CHIA: variants seen among roughly 807,000 people sequenced by gnomAD.
The protein encoded by CHIA is chitinase acidic, also known as acidic mammalian chitinase.
In CHIA, 47 loss-of-function variants were observed where a neutral mutation model predicts 53.5. The observed-to-expected ratio is 0.88, with a 90% CI of 0.70 to 1.12. CHIA has a LOEUF of 1.12. Among genes scored for constraint, CHIA ranks in the 50% most tolerant of loss-of-function variants. The pLI, the probability that CHIA is intolerant of heterozygous loss-of-function variation, is 0.00. For synonymous variants in CHIA, 268 were observed against 222.2 expected (o/e 1.21, Z -1.83); for missense variants, 652 against 592.2 (o/e 1.10, Z -1.05).
In CHIA at chr1:111,315,266, T is replaced by C. The variant is rs774971799; in HGVS notation, c.315-4T>C. On this transcript the variant is annotated splice_polypyrimidine_tract_variant and splice_region_variant and intron_variant, in intron 5 of 11. Transcript: ENST00000369740. ...TCACCCTGCCTTCTTTGGGTCTCCC[T>C]CAGTTTCACTGCCATGGTTTCTACT... The C allele has an allele frequency of 2.2e-5, 35 of 1,610,842 alleles. No individual in the cohort carries two copies. The South Asian group carries it at 3.8e-4, about 18-fold the overall frequency.
intron 1 of CHIA, among the ~76,000 whole-genome samples, chr1:111,304,205 C>T (rs1174350329): frequency 6.6e-6 from 1 of 152,086 alleles, no homozygotes; most frequent in Non-Finnish European, 1.5e-5. Context: ...TATATTGTGT[C>T]TTGCGTGGAT....
chr1:111,291,224 C>T (rs989105158), intron 1 of CHIA, among the ~76,000 whole-genome samples: 12 of 152,048 alleles, frequency 7.9e-5, no homozygotes. Flanking sequence ...ATGGTTATTG[C>T]AGCACTATTT....
intron 2 of CHIA, among the ~76,000 whole-genome samples, chr1:111,311,214 A>G (rs1648641054): frequency 6.6e-6 from 1 of 152,214 alleles, no homozygotes; most frequent in South Asian, 2.1e-4. Flanking sequence ...GTCTCACCCC[A>G]TAGTTCCTAG....
At position 111,310,492 on chromosome 1, in the gene CHIA, G is replaced by A. The variant is rs1383475182; in HGVS notation, c.25G>A (p.Gly9Ser). MTKLILLT[G>S]LVLILNLQLG... Reference sequence around the variant, plus strand: ...CATGACAAAGCTTATTCTCCTCACAGGTGGGTTTGTAATCAGAGATTGACC... The same window carrying A: ...CATGACAAAGCTTATTCTCCTCACAAGTGGGTTTGTAATCAGAGATTGACC... Residue 9 changes from glycine to serine, a missense_variant and splice_region_variant, in exon 2 of 12, where the codon GGT (glycine) becomes AGT (serine). By Grantham distance (56) the Gly-to-Ser change is moderately conservative. Coordinates refer to ENST00000369740, the MANE Select transcript of CHIA (RefSeq NM_201653.4). 1 of 1,614,130 alleles carries A rather than the reference G, an allele frequency of 6.2e-7. No homozygotes were observed. The highest frequency in any genetic ancestry group is 8.5e-7 in the Non-Finnish European group (1 of 1,179,996).
At chr1:111,315,169 G>T (rs1245869449) in intron 5 of CHIA, 101 bp from the exon 6 acceptor site, 3 of 806,818 alleles carry the variant, frequency 3.7e-6, no homozygotes, top group Non-Finnish European at 6.3e-6. Flanking sequence ...TGGGCTGTGG[G>T]TCCTGATGAA....
Position 111,312,302 on chromosome 1 carries a change from C to T in CHIA, c.168C>T (p.Tyr56=), listed in dbSNP as rs370883122. Residue 56 remains tyrosine (Y), a synonymous_variant, in exon 4 of 12, where the codon TAC becomes TAT. Coordinates refer to ENST00000369740, the MANE Select transcript of CHIA (RefSeq NM_201653.4). ...CCTGCCTCTGTACCCACCTGATCTA[C>T]GCCTTTGCTGGGAGGCAGAACAACG... ...IDPCLCTHLI[Y]AFAGRQNNEI... 4.9e-5 allele frequency: 79 copies of T among 1,614,002 alleles called. No homozygotes were observed. The highest frequency in any genetic ancestry group is 2.7e-4 in the East Asian group (12 of 44,904).
chr1:111,320,521 T>G lies in CHIA; in HGVS notation c.*55T>G, dbSNP rs1649586517. 1 of 1,521,912 alleles carries G rather than the reference T, an allele frequency of 6.6e-7. No individual in the cohort carries two copies. The highest frequency in any genetic ancestry group is 9.1e-7 in the Non-Finnish European group (1 of 1,103,758). 94.3% of individuals were successfully genotyped at this position (1,521,912 alleles called of 1,614,324 possible). A position where few individuals can be genotyped will look rare whatever the true frequency, so the allele number is the denominator to read the frequency against. On this transcript the variant is annotated 3_prime_UTR_variant, in exon 12 of 12. Coordinates refer to ENST00000369740, the MANE Select transcript of CHIA (RefSeq NM_201653.4). ...CCAGTCTCTTTTGCTTAGGACATGTTGCCCCTACCTAAAGTCCTGCAATAA... is the reference window on the plus strand; with the variant it reads ...CCAGTCTCTTTTGCTTAGGACATGTGGCCCCTACCTAAAGTCCTGCAATAA...
chr1:111,294,468 T>C (rs566483549), intron 1 of CHIA, among the ~76,000 whole-genome samples: 1 of 152,358 alleles, frequency 6.6e-6, no homozygotes, highest in East Asian at 1.9e-4. Context: ...GTGGAATCTT[T>C]AGGGTTTTTC....
In CHIA at chr1:111,319,209, C is replaced by A. The variant is rs1255596042; in HGVS notation, c.1005C>A (p.Gly335=). 1 of 1,614,092 alleles carries A rather than the reference C, an allele frequency of 6.2e-7. No homozygotes were observed. The highest frequency in any genetic ancestry group is 2.2e-5 in the East Asian group (1 of 44,896). The change falls in exon 10 of 12, where the codon GGC becomes GGA. Residue 335 remains glycine, a synonymous_variant. Coordinates refer to ENST00000369740, the MANE Select transcript of CHIA (RefSeq NM_201653.4). ...CCTATCAGGGCAATGTGTGGGTTGG[C>A]TATGACAACATCAAGAGCTTCGATA... is the stretch of plus-strand genomic sequence containing the variant. ...PYAYQGNVWV[G]YDNIKSFDIK...
chr1:111,318,058 C>A lies in CHIA; in HGVS notation c.678C>A (p.Ser226Arg), dbSNP rs1649314724. ...GSWEGYTGENSPLYKYPTDTG... is the reference protein window; with the variant it reads ...GSWEGYTGENRPLYKYPTDTG... ...GGGAGGGCTACACTGGAGAGAACAG[C>A]CCCCTCTACAAATACCCGACTGACA... is the stretch of plus-strand genomic sequence containing the variant. Residue 226 changes from serine (S) to arginine (R), a missense_variant, in exon 8 of 12, where the codon AGC becomes AGA. Transcript: ENST00000369740. 1 of 1,613,692 alleles carries A rather than the reference C, an allele frequency of 6.2e-7. No homozygotes were observed. The highest frequency in any genetic ancestry group is 8.5e-7 in the Non-Finnish European group (1 of 1,179,726).
intron 1 of CHIA, among the ~76,000 whole-genome samples, chr1:111,296,862 G>A (rs181780946): frequency 7.9e-5 from 12 of 152,306 alleles, no homozygotes; most frequent in Middle Eastern, 3.4e-3. Context: ...AGAATAAACA[G>A]TGTAGAGAAG....
Position 111,319,199 on chromosome 1 carries a change from T to C in CHIA, c.995T>C (p.Val332Ala), listed in dbSNP as rs528976050. 6.2e-7 allele frequency: 1 copy of C among 1,613,598 alleles called. No homozygotes were observed. Among genetic ancestry groups the C allele is most frequent in the South Asian group, 1.1e-5 (1 of 91,084 alleles). Residue 332 changes from valine (V) to alanine (A), a missense_variant, in exon 10 of 12, where the codon GTG (valine) becomes GCG (alanine). Coordinates refer to ENST00000369740, the MANE Select transcript of CHIA (RefSeq NM_201653.4). ...GTGCCTTATGCCTATCAGGGCAATG[T>C]GTGGGTTGGCTATGACAACATCAAG... ...QEVPYAYQGN[V>A]WVGYDNIKSF...
At chr1:111,296,780 C>G (rs1217620993) in intron 1 of CHIA, among the ~76,000 whole-genome samples, 1 of 152,156 alleles carries the variant, frequency 6.6e-6, no homozygotes. Context: ...CTTATCCAAG[C>G]TAAATGAGCA....
At chr1:111,296,008 A>C (rs540863734) in intron 1 of CHIA, among the ~76,000 whole-genome samples, 1 of 152,342 alleles carries the variant, frequency 6.6e-6, no homozygotes, top group South Asian at 2.1e-4. Flanking sequence ...TGGCAGGAGG[A>C]GGGGCATCCA....
At chr1:111,302,876 G>T (rs937901796) in intron 1 of CHIA, among the ~76,000 whole-genome samples, 93 of 151,812 alleles carry the variant, frequency 6.1e-4, no homozygotes, top group African/African-American at 2.1e-3. Context: ...ATTTATTGTC[G>T]AACTATCTAT....
At chr1:111,301,705 C>CAAAAAAAAAAAAAAAAAAAAAAAAAAAA (rs35562130) in intron 1 of CHIA, among the ~76,000 whole-genome samples, 1 of 105,476 alleles carries the variant, frequency 9.5e-6, no homozygotes, top group Non-Finnish European at 1.9e-5. Flanking sequence ...ACTCTCTCTC[C>CAAAAAAAAAAAAAAAAAAAAAAAAAAAA]AAAAAAAAAA....
intron 1 of CHIA, among the ~76,000 whole-genome samples, chr1:111,306,484 T>C (rs6697360): frequency 0.13 from 20,050 of 152,092 alleles, 1,521 homozygotes; most frequent in African/African-American, 0.19. Context: ...AATTTAAAGG[T>C]GACATTTAAA....
At chr1:111,304,953 G>A (rs1648059562) in intron 1 of CHIA, among the ~76,000 whole-genome samples, 1 of 152,016 alleles carries the variant, frequency 6.6e-6, no homozygotes, top group South Asian at 2.1e-4. Context: ...TTTTAGAGAT[G>A]TGATCTTTCT....
intron 1 of CHIA, among the ~76,000 whole-genome samples, chr1:111,292,155 T>C (rs1351450414): frequency 6.6e-6 from 1 of 152,080 alleles, no homozygotes; most frequent in Non-Finnish European, 1.5e-5. Flanking sequence ...TTGGGAAAAA[T>C]AACATTAACT....
Sources: gnomAD v4.1 joint callset for allele counts (sites outside exome capture counted in the v4.1 genomes callset) on GRCh38, gnomAD v4.1.1 for gene constraint, MANE v1.5 for transcripts, NCBI Gene and HGNC (gene_info 2026-07-23, HGNC 2026-07-21) for gene names.